Variants in EEFSEC observed in about 807,000 individuals in gnomAD.
EEFSEC encodes selenocysteine-specific elongation factor.
A neutral mutation model predicts 42.1 loss-of-function variants in EEFSEC; 43 were observed. That is an observed-to-expected ratio of 1.02 (90% CI 0.80 to 1.32). The LOEUF (loss-of-function observed/expected upper bound fraction) is 1.32. Ranked by LOEUF, EEFSEC falls within the 40% of genes most tolerant of loss-of-function variation. The pLI is 0.00. For missense variants in EEFSEC, 745 were observed against 803.6 expected (o/e 0.93, Z 0.88); for synonymous variants, 354 against 339.1 (o/e 1.04, Z -0.48).
chr3:128,406,063 G>C (rs887253556), intron 6 of EEFSEC, among the ~76,000 whole-genome samples: 5 of 152,204 alleles, frequency 3.3e-5, no homozygotes, highest in Admixed American at 2.0e-4. Flanking sequence ...GGACCCCCCA[G>C]TGGGGCTGTG....
chr3:128,165,489 TGGGTGGGTA>T (rs750694614), intron 1 of EEFSEC, among the ~76,000 whole-genome samples: 43 of 152,214 alleles, frequency 2.8e-4, no homozygotes, highest in Non-Finnish European at 4.7e-4. Context: ...TGGCCTTTGT[TGGGTGGGTA>T]GGGAGGACTT....
intron 6 of EEFSEC, among the ~76,000 whole-genome samples, chr3:128,370,132 T>G (rs896109095): frequency 1.3e-5 from 2 of 152,242 alleles, no homozygotes; most frequent in African/African-American, 4.8e-5. Flanking sequence ...GTTGGTTGTT[T>G]CCCAGTGCAC....
chr3:128,277,810 G>C (rs945488088), intron 4 of EEFSEC, among the ~76,000 whole-genome samples: 1 of 152,250 alleles, frequency 6.6e-6, no homozygotes, highest in African/African-American at 2.4e-5. Context: ...AGGGCAGATA[G>C]CAAGGGAACC....
At chr3:128,336,617 T>C (rs556826813) in intron 4 of EEFSEC, among the ~76,000 whole-genome samples, 15 of 152,288 alleles carry the variant, frequency 9.8e-5, no homozygotes, top group African/African-American at 3.4e-4. Flanking sequence ...GCTCTGCTCT[T>C]CCCTCTGCCT....
Position 128,163,485 on chromosome 3 carries a change from T to A in EEFSEC, c.316+9662T>A, listed in dbSNP as rs137862337. Among the ~76,000 whole-genome samples, 12 of 152,274 alleles carry A rather than the reference T, an allele frequency of 7.9e-5. No homozygotes were observed. In the East Asian group the frequency reaches 2.3e-3, roughly 29 times the overall value. ...CAGATAATAATTTTAAAAACATTTTTAATTTTATATAGTGTTTATATAATT... is the reference window on the plus strand; with the variant it reads ...CAGATAATAATTTTAAAAACATTTTAAATTTTATATAGTGTTTATATAATT... On this transcript the variant is annotated intron_variant, in intron 1 of 6. Coordinates refer to ENST00000254730, the MANE Select transcript of EEFSEC (RefSeq NM_021937.5).
intron 6 of EEFSEC, among the ~76,000 whole-genome samples, chr3:128,404,444 C>T (rs898493292): frequency 1.1e-4 from 16 of 152,272 alleles, no homozygotes; most frequent in African/African-American, 3.9e-4. Context: ...GATTGGGCCA[C>T]GCCTGTCTCC....
chr3:128,230,882 A>G (rs2065953214), intron 1 of EEFSEC, among the ~76,000 whole-genome samples: 1 of 152,090 alleles, frequency 6.6e-6, no homozygotes, highest in Non-Finnish European at 1.5e-5. Flanking sequence ...GGACTCCAGG[A>G]AGTTTCCTTC....
intron 4 of EEFSEC, among the ~76,000 whole-genome samples, chr3:128,269,352 G>T (rs1255382606): frequency 1.3e-5 from 2 of 152,260 alleles, no homozygotes; most frequent in South Asian, 2.1e-4. Context: ...CTTTGCTGAG[G>T]CCTTGCCTGG....
chr3:128,226,240 AAGG>A, intron 1 of EEFSEC, among the ~76,000 whole-genome samples: 1 of 152,188 alleles, frequency 6.6e-6, no homozygotes, highest in East Asian at 1.9e-4. Context: ...AAGCCACATA[AAGG>A]AGGACATCAG....
intron 4 of EEFSEC, among the ~76,000 whole-genome samples, chr3:128,279,928 C>T (rs1192168154): frequency 1.3e-5 from 2 of 152,202 alleles, no homozygotes; most frequent in Admixed American, 6.5e-5. Flanking sequence ...CAGTGTCCAG[C>T]GGTGGGTCTG....
At chr3:128,412,147 T>C (rs1466400519), downstream of EEFSEC, among the ~76,000 whole-genome samples, 1 of 152,224 alleles carries the variant, frequency 6.6e-6, no homozygotes, top group East Asian at 1.9e-4. Flanking sequence ...AGTTCCAGTG[T>C]ATCCAGTGCT....
chr3:128,329,791 T>C (rs528343585), intron 4 of EEFSEC, among the ~76,000 whole-genome samples: 7 of 152,184 alleles, frequency 4.6e-5, no homozygotes, highest in African/African-American at 1.7e-4. Flanking sequence ...GAGCCACACA[T>C]AGGAGGGACA....
At chr3:128,253,232 C>T (rs897938955) in intron 2 of EEFSEC, among the ~76,000 whole-genome samples, 4 of 152,336 alleles carry the variant, frequency 2.6e-5, no homozygotes, top group African/African-American at 9.6e-5. Flanking sequence ...CATGCACGTT[C>T]CTACAACTCT....
intron 6 of EEFSEC, among the ~76,000 whole-genome samples, chr3:128,382,104 G>T (rs1008115843): frequency 6.6e-6 from 1 of 152,204 alleles, no homozygotes; most frequent in African/African-American, 2.4e-5. Context: ...TAGAATGGGG[G>T]CTATGACGCC....
chr3:128,317,098 C>T lies in EEFSEC; in HGVS notation c.787-24135C>T, dbSNP rs890384293. 6.6e-6 allele frequency among the ~76,000 whole-genome samples: 1 copy of T among 152,158 alleles called. No individual in the cohort carries two copies. Among genetic ancestry groups the T allele is most frequent in the Non-Finnish European group, 1.5e-5 (1 of 68,028 alleles). On this transcript the variant is annotated intron_variant, in intron 4 of 6. Coordinates refer to ENST00000254730, the MANE Select transcript of EEFSEC (RefSeq NM_021937.5). This position sits in a 1 kb window ranked among gnomAD's most constrained non-coding sequence, Gnocchi z 4.1. ...AGAAAGCAGAAAGAAAAATAGAAGA[C>T]GTTCTGGCAGGCTGGGGGTTAGAGT...
rs759747927 is a variant in EEFSEC at position 128,264,734 on chromosome 3, T to A, written c.739T>A (p.Ser247Thr). 2.1e-5 allele frequency: 34 copies of A among 1,614,020 alleles called. No homozygotes were observed. Among genetic ancestry groups the A allele is most frequent in the Admixed American group, 3.3e-5 (2 of 60,004 alleles). Residue 247 changes from serine (S) to threonine (T), a missense_variant, in exon 4 of 7, where the codon TCA (serine) becomes ACA (threonine). Transcript: ENST00000254730. ...QGTVMTGTIL[S>T]GSISLGDSVE... ...CACTGTGATGACAGGGACCATCCTT[T>A]CAGGCTCCATCAGCCTCGGTGACAG...
Position 128,153,541 on chromosome 3 carries a change from G to T in EEFSEC, c.34G>T (p.Val12Leu), listed in dbSNP as rs1418408009. 2 of 1,524,476 alleles carry T rather than the reference G, an allele frequency of 1.3e-6. No homozygotes were observed. The highest frequency in any genetic ancestry group is 2.0e-5 in the Admixed American group (1 of 50,244). 94.4% of individuals were successfully genotyped at this position (1,524,476 alleles called of 1,614,324 possible). Residue 12 changes from valine (V) to leucine (L), a missense_variant, in exon 1 of 7, where the codon GTG becomes TTG. Val to Leu is a conservative substitution (Grantham distance 32). Transcript: ENST00000254730. ...GCGGCGGGTGAACGTGAACGTGGGCGTGCTGGGCCACATCGACAGCGGCAA... is the reference window on the plus strand; with the variant it reads ...GCGGCGGGTGAACGTGAACGTGGGCTTGCTGGGCCACATCGACAGCGGCAA... ...AGRRVNVNVG[V>L]LGHIDSGKTA...
intron 6 of EEFSEC, among the ~76,000 whole-genome samples, chr3:128,384,327 CA>C: frequency 6.6e-6 from 1 of 152,258 alleles, no homozygotes; most frequent in East Asian, 1.9e-4. Flanking sequence ...TCCCCTGCAG[CA>C]GCCTGATGGA....
chr3:128,204,765 G>A (rs1029839984), intron 1 of EEFSEC, among the ~76,000 whole-genome samples: 5 of 152,228 alleles, frequency 3.3e-5, no homozygotes, highest in East Asian at 3.9e-4. Flanking sequence ...CAGTCTGTGC[G>A]TCAGTGAGAC....
Sources: gnomAD v4.1 joint callset for allele counts (sites outside exome capture counted in the v4.1 genomes callset) on GRCh38, gnomAD v4.1.1 for gene constraint, Gnocchi (gnomAD v3.1) non-coding constraint, MANE v1.5 for transcripts, NCBI Gene and HGNC (gene_info 2026-07-23, HGNC 2026-07-21) for gene names.